Variants in CUL7 observed in about 807,000 individuals in gnomAD.
CUL7 encodes cullin-7.
CUL7 carries 96 observed loss-of-function variants against 177.7 expected under a neutral mutation model. That is an observed-to-expected ratio of 0.54 (90% confidence interval 0.46 to 0.64). The LOEUF (loss-of-function observed/expected upper bound fraction) is 0.64. CUL7 is among the 30% of genes least tolerant of loss of function. The probability of loss-of-function intolerance (pLI) is 0.00; values close to 1 mark genes in which losing one functional copy is unlikely to be tolerated. For synonymous variants in CUL7, 824 were observed against 890.2 expected (o/e 0.93, Z 1.32); for missense variants, 1,893 against 2,187.9 (o/e 0.87, Z 2.69).
rs1216499604 is a variant in CUL7 at position 43,043,285 on chromosome 6, C to A, written c.3356-105G>T. The A allele has an allele frequency of 8.3e-7, 1 of 1,201,920 alleles. No homozygotes were observed. 74.5% of individuals were successfully genotyped at this position (1,201,920 alleles called of 1,614,324 possible). A position where few individuals can be genotyped will look rare whatever the true frequency, so the allele number is the denominator to read the frequency against. ...GAGGCCTTTCCTGACATGCTGCCAC[C>A]CAAAATGATGTTCATGGATGGAGGT... On this transcript the variant is annotated intron_variant, in intron 17 of 25. Coordinates refer to ENST00000265348, the MANE Select transcript of CUL7 (RefSeq NM_014780.5). The surrounding 1 kb of genome is among the most constrained non-coding windows in gnomAD (Gnocchi z 4.2).
rs1764221782 is a variant in CUL7, at chr6:43,049,474, T to C, written c.1758A>G (p.Gln586=). The change falls in exon 7 of 26, where the codon CAA becomes CAG. Residue 586 remains glutamine (Q), a synonymous_variant. Coordinates refer to ENST00000265348, the MANE Select transcript of CUL7 (RefSeq NM_014780.5). The part of the protein sequence containing the change: ...NQAYPSLLEA[Q]EDVLLLDAQA... ...GCGCGTCTAGCAGGAGGACATCTTC[T>C]TGGGCTTCTAGAAGGGATGGGTAGG... is the stretch of plus-strand genomic sequence containing the variant. 6.2e-7 allele frequency: 1 copy of C among 1,614,228 alleles called. No homozygotes were observed. The highest frequency in any genetic ancestry group is 8.5e-7 in the Non-Finnish European group (1 of 1,180,028).
intron 22 of CUL7, 78 bp from the exon 23 acceptor site, chr6:43,039,065 C>T: frequency 1.1e-6 from 1 of 950,018 alleles, no homozygotes; most frequent in Non-Finnish European, 1.7e-6. Flanking sequence ...GCACGCTGGT[C>T]ACGCTCTGTT....
chr6:43,038,001 GC>G lies in CUL7; in HGVS notation c.4783del (p.Ala1595LeufsTer40). 1 of 1,592,746 alleles carries G rather than the reference GC, an allele frequency of 6.3e-7. No individual in the cohort carries two copies. The highest frequency in any genetic ancestry group is 8.6e-7 in the Non-Finnish European group (1 of 1,168,280). On this transcript the variant is annotated frameshift_variant, in exon 26 of 26. Coordinates refer to ENST00000265348, the MANE Select transcript of CUL7 (RefSeq NM_014780.5). LOFTEE classifies it high-confidence loss of function. ...GGGAGGACACGGGCCCTTCTGCCAA[GC>G]CTCCAGCACCTGGTGTGGGGGAGGA... ...IDQLVCLVLE[A>X]WQKGPCPPRG...
At chr6:43,044,639 G>T in intron 16 of CUL7, 113 bp downstream of exon 16, 2 of 1,430,222 alleles carry the variant, frequency 1.4e-6, no homozygotes, top group South Asian at 2.9e-5. Flanking sequence ...TACAAATGCA[G>T]GTGCCAAAAG....
chr6:43,040,453 C>A lies in CUL7; in HGVS notation c.4024-27G>T. The stretch of plus-strand genomic sequence containing the variant: ...TGAAGGAGCACAGGGTTCCCAGATG[C>A]CATGGCCTCCTCCAGTCTGCTCCAC... On this transcript the variant is annotated intron_variant, in intron 21 of 25. Transcript: ENST00000265348. This position sits in a 1 kb window ranked among gnomAD's most constrained non-coding sequence, Gnocchi z 4.2. The A allele has an allele frequency of 1.2e-6, 2 of 1,612,250 alleles. No homozygotes were observed. Among genetic ancestry groups the A allele is most frequent in the Non-Finnish European group, 1.7e-6 (2 of 1,180,030 alleles).
In CUL7 at chr6:43,039,002, G is replaced by A; in HGVS notation, c.4295-15C>T. On this transcript the variant is annotated splice_polypyrimidine_tract_variant and intron_variant, in intron 22 of 25. Transcript: ENST00000265348. ...GTGGCTCTGACCTGGACCAGGAAGG[G>A]GGAGGGAGACAAAGAGCAGGTGAAA... 6.3e-7 allele frequency: 1 copy of A among 1,584,128 alleles called. No homozygotes were observed. Among genetic ancestry groups the A allele is most frequent in the Non-Finnish European group, 8.7e-7 (1 of 1,152,766 alleles).
chr6:43,051,287 G>A lies in CUL7; in HGVS notation c.914C>T (p.Ser305Leu), dbSNP rs1027933053. Residue 305 changes from serine (S) to leucine (L), a missense_variant, in exon 4 of 26, where the codon TCG (serine) becomes TTG (leucine). By Grantham distance (145) the Ser-to-Leu change is moderately radical (BLOSUM62 -2). Coordinates refer to ENST00000265348, the MANE Select transcript of CUL7 (RefSeq NM_014780.5). The surrounding 1 kb of genome is among the most constrained non-coding windows in gnomAD (Gnocchi z 5.0). Reference protein sequence around the residue: ...EFSMAMGTLISELVQAMRWDQ... With the variant: ...EFSMAMGTLILELVQAMRWDQ... Reference sequence around the variant, plus strand: ...CCAGCGCATGGCTTGCACCAGCTCCGAGATCAGGGTGCCCATGGCCATACT... The same window carrying A: ...CCAGCGCATGGCTTGCACCAGCTCCAAGATCAGGGTGCCCATGGCCATACT... The A allele has an allele frequency of 8.7e-6, 14 of 1,610,316 alleles. No homozygotes were observed. The highest frequency in any genetic ancestry group is 2.2e-5 in the South Asian group (2 of 90,928).
intron 19 of CUL7, among the ~76,000 whole-genome samples, chr6:43,041,891 C>A (rs1763445492): frequency 6.6e-6 from 1 of 151,078 alleles, no homozygotes; most frequent in African/African-American, 2.4e-5. Flanking sequence ...GTAATCCCAG[C>A]TACTTGGGAG....
rs1349581377 is a variant in CUL7, at chr6:43,047,107, C to T, written c.2170G>A (p.Val724Met). The T allele has an allele frequency of 3.8e-6, 6 of 1,586,932 alleles. No individual in the cohort carries two copies. The highest frequency in any genetic ancestry group is 4.5e-5 in the East Asian group (2 of 44,720). Residue 724 changes from valine to methionine, a missense_variant and splice_region_variant, in exon 10 of 26, where the codon GTG becomes ATG. By Grantham distance (21) the Val-to-Met change is conservative. Transcript: ENST00000265348. ...AGGAAGAAAATCAGTTCCTGGAGCA[C>T]CTGGGTGGGGACATAAGGGAGGAGA... ...CLRSPNTDRE[V>M]LQELIFFLHR...
chr6:43,052,470 G>C lies in CUL7; in HGVS notation c.319C>G (p.Leu107Val), dbSNP rs756941201. Residue 107 changes from leucine to valine, a missense_variant, in exon 2 of 26, where the codon CTG becomes GTG. Around this residue, in one of 5 missense-constraint regions of CUL7, gnomAD observed 653 missense variants for 725.2 expected, o/e 0.90. Coordinates refer to ENST00000265348, the MANE Select transcript of CUL7 (RefSeq NM_014780.5). The surrounding 1 kb of genome is among the most constrained non-coding windows in gnomAD (Gnocchi z 4.5). ...GEVGALDKSVLEEMETDVKSL... is the reference protein window; with the variant it reads ...GEVGALDKSVVEEMETDVKSL... ...TTCACGTCGGTTTCCATCTCCTCCA[G>C]CACAGATTTGTCCAGGGCCCCAACC... 1.2e-6 allele frequency: 2 copies of C among 1,614,182 alleles called. No individual in the cohort carries two copies. The highest frequency in any genetic ancestry group is 1.7e-5 in the Admixed American group (1 of 60,020).
intron 6 of CUL7, 65 bp downstream of exon 6, chr6:43,049,898 C>G: frequency 6.7e-7 from 1 of 1,502,220 alleles, no homozygotes; most frequent in Non-Finnish European, 9.3e-7. Flanking sequence ...CTTCCAAATG[C>G]TCTATACAGT....
chr6:43,045,776 G>T lies in CUL7; in HGVS notation c.2767-94C>A. On this transcript the variant is annotated intron_variant, in intron 13 of 25. Transcript: ENST00000265348. The surrounding 1 kb of genome is among the most constrained non-coding windows in gnomAD (Gnocchi z 4.8). ...CCTCACTGTTTCCCTCCCTTCCCCA[G>T]CCCTGGGATGTGTAGGGTCCTGACA... The T allele has an allele frequency of 1.4e-6, 2 of 1,404,610 alleles. No individual in the cohort carries two copies. The highest frequency in any genetic ancestry group is 2.0e-6 in the Non-Finnish European group (2 of 997,794). The allele number at this position is 1,404,610 out of a possible 1,614,324, so 87.0% of individuals were successfully genotyped here.
intron 6 of CUL7, 73 bp from the exon 7 acceptor site, chr6:43,049,735 GT>G: frequency 6.3e-7 from 1 of 1,586,746 alleles, no homozygotes; most frequent in Non-Finnish European, 8.6e-7. Flanking sequence ...CTTGGTAGGG[GT>G]GGGGGTCTCT....
rs1031448099 is a variant in CUL7, at chr6:43,050,756, T to C, written c.1233+212A>G. On this transcript the variant is annotated intron_variant, in intron 4 of 25. Coordinates refer to ENST00000265348, the MANE Select transcript of CUL7 (RefSeq NM_014780.5). The surrounding 1 kb of genome is among the most constrained non-coding windows in gnomAD (Gnocchi z 4.1). ...CTGGCTATATCAGTTTCTTCCCAGG[T>C]GTGAGTCTTCTTGACTTCACAGCCT... 6.6e-6 allele frequency among the ~76,000 whole-genome samples: 1 copy of C among 152,128 alleles called. No homozygotes were observed. The highest frequency in any genetic ancestry group is 1.5e-5 in the Non-Finnish European group (1 of 68,030).
chr6:43,049,021 C>T (rs750448545), intron 7 of CUL7, among the ~76,000 whole-genome samples: 5 of 152,102 alleles, frequency 3.3e-5, no homozygotes, highest in Admixed American at 6.6e-5. Flanking sequence ...ATCCACCTGC[C>T]TTGGCCTTCC....
intron 8 of CUL7, 39 bp downstream of exon 8, chr6:43,048,293 C>G (rs1764092008): frequency 6.3e-7 from 1 of 1,596,544 alleles, no homozygotes; most frequent in African/African-American, 1.3e-5. Context: ...CATGGACCCC[C>G]TTTGCCCTCA....
chr6:43,053,781 G>A lies in CUL7; in HGVS notation c.-168C>T, dbSNP rs3737186. On this transcript the variant is annotated 5_prime_UTR_variant, in exon 1 of 26. Coordinates refer to ENST00000265348, the MANE Select transcript of CUL7 (RefSeq NM_014780.5). This position sits in a 1 kb window ranked among gnomAD's most constrained non-coding sequence, Gnocchi z 4.1. Reference sequence around the variant, plus strand: ...GCCTCCGCGGAACAGAGCTGCACCCGCGTGAGTCGGCAGCCACTGGGGCAG... The same window carrying A: ...GCCTCCGCGGAACAGAGCTGCACCCACGTGAGTCGGCAGCCACTGGGGCAG... The A allele has an allele frequency of 0.06, 91,707 of 1,531,312 alleles. 4,111 individuals carry two copies. The highest frequency in any genetic ancestry group is 0.18 in the East Asian group (7,179 of 40,698). 94.9% of individuals were successfully genotyped at this position (1,531,312 alleles called of 1,614,324 possible). A position where few individuals can be genotyped will look rare whatever the true frequency, so the allele number is the denominator to read the frequency against.
chr6:43,044,592 G>C (rs192268262), intron 16 of CUL7, among the ~76,000 whole-genome samples, 160 bp downstream of exon 16: 3 of 152,310 alleles, frequency 2.0e-5, no homozygotes, highest in Admixed American at 1.3e-4. Flanking sequence ...ATGGGAAAGG[G>C]GGCAGCCCCT....
chr6:43,044,494 T>TC (rs1435239600), intron 16 of CUL7, among the ~76,000 whole-genome samples: 1 of 129,034 alleles, frequency 7.7e-6, no homozygotes, highest in African/African-American at 3.9e-5. Flanking sequence ...CGAAAATCTG[T>TC]CTCAAAAAAA....
Sources: gnomAD v4.1 joint callset for allele counts (sites outside exome capture counted in the v4.1 genomes callset) on GRCh38, gnomAD v4.1.1 for gene constraint, gnomAD v4.1.1 regional missense constraint, Gnocchi (gnomAD v3.1) non-coding constraint, MANE v1.5 for transcripts, NCBI Gene and HGNC (gene_info 2026-07-23, HGNC 2026-07-21) for gene names.